SCML4: variants seen among roughly 807,000 people sequenced by gnomAD.
SCML4 encodes Scm polycomb group protein like 4.
SCML4 carries 34 observed loss-of-function variants against 41.1 expected under a neutral mutation model. The observed-to-expected ratio is 0.83, with a 90% CI of 0.63 to 1.10. SCML4 has a LOEUF of 1.10. Ranked by LOEUF, SCML4 falls within the 50% of genes least tolerant of loss-of-function variation. SCML4 has a pLI of 0.00. For missense variants in SCML4, 522 were observed against 534.1 expected (o/e 0.98, Z 0.22); for synonymous variants, 214 against 220.9 (o/e 0.97, Z 0.28).
Position 107,705,033 on chromosome 6 carries a change from A to C in SCML4, c.*167T>G. 1.4e-6 allele frequency: 1 copy of C among 730,882 alleles called. No individual in the cohort carries two copies. The allele number at this position is 730,882 out of a possible 1,614,324, so 45.3% of individuals were successfully genotyped here. On this transcript the variant is annotated 3_prime_UTR_variant, in exon 8 of 8. Coordinates refer to ENST00000369020, the MANE Select transcript of SCML4 (RefSeq NM_198081.5). ...GAGCCTCTCGAAAAGGTCCATGTTA[A>C]ATTCTTCAAAAGGCAAAGATTCACA...
chr6:107,782,132 G>A lies in SCML4; in HGVS notation c.-59-9746C>T, dbSNP rs368842947. Among the ~76,000 whole-genome samples the A allele has an allele frequency of 4.6e-4, 70 of 152,310 alleles. No individual in the cohort carries two copies. In the South Asian group the frequency reaches 0.01, roughly 23 times the overall value. ...GAACAGAGAATATGCACAGTGAAGC[G>A]GGAAAAACACCCATTCCAGCCTGCA... is the stretch of plus-strand genomic sequence containing the variant. On this transcript the variant is annotated intron_variant, in intron 1 of 7. Coordinates refer to ENST00000369020, the MANE Select transcript of SCML4 (RefSeq NM_198081.5).
chr6:107,770,926 C>A (rs1361537445), intron 2 of SCML4, among the ~76,000 whole-genome samples: 4 of 152,172 alleles, frequency 2.6e-5, no homozygotes, highest in African/African-American at 9.7e-5. Flanking sequence ...AGATGCAATT[C>A]CCAGAAGCCA....
intron 1 of SCML4, among the ~76,000 whole-genome samples, chr6:107,814,126 A>G (rs956600096): frequency 6.6e-6 from 1 of 152,218 alleles, no homozygotes; most frequent in African/African-American, 2.4e-5. Flanking sequence ...AGTCAAGGAG[A>G]GGGGAGTTAG....
At chr6:107,844,433 T>A in the SCML4 span, among the ~76,000 whole-genome samples, 5 of 152,234 alleles carry the variant, frequency 3.3e-5, no homozygotes, top group Non-Finnish European at 7.3e-5. Context: ...CACAGTGACT[T>A]ATGCCTGTAA....
chr6:107,795,510 T>C (rs1002603639), intron 1 of SCML4, among the ~76,000 whole-genome samples: 5 of 152,116 alleles, frequency 3.3e-5, no homozygotes, highest in African/African-American at 1.2e-4. Flanking sequence ...ATATAGAACA[T>C]TTTCATCACC....
chr6:107,829,564 C>T, the SCML4 span, among the ~76,000 whole-genome samples: 2 of 151,956 alleles, frequency 1.3e-5, no homozygotes, highest in African/African-American at 4.8e-5. Context: ...ACAGGGGGAA[C>T]ATCACACACC....
At chr6:107,725,818 A>G (rs1775901230) in intron 5 of SCML4, among the ~76,000 whole-genome samples, 1 of 152,226 alleles carries the variant, frequency 6.6e-6, no homozygotes, top group South Asian at 2.1e-4. Flanking sequence ...ACGGTGGCTC[A>G]TGCCTGTAAT....
Position 107,705,116 on chromosome 6 carries a change from T to G in SCML4, c.*84A>C, listed in dbSNP as rs1583349969. The G allele has an allele frequency of 2.5e-6, 3 of 1,224,288 alleles. No individual in the cohort carries two copies. Among genetic ancestry groups the G allele is most frequent in the Non-Finnish European group, 3.5e-6 (3 of 850,920 alleles). 75.8% of individuals were successfully genotyped at this position (1,224,288 alleles called of 1,614,324 possible). A position where few individuals can be genotyped will look rare whatever the true frequency, so the allele number is the denominator to read the frequency against. On this transcript the variant is annotated 3_prime_UTR_variant, in exon 8 of 8. Coordinates refer to ENST00000369020, the MANE Select transcript of SCML4 (RefSeq NM_198081.5). ...TTAATTTTAAGAGGAGAGTCTAGTT[T>G]GTGATGTTGGCGGGATATTGGTAAG...
At chr6:107,774,013 AT>A (rs1780724946) in intron 1 of SCML4, among the ~76,000 whole-genome samples, 1 of 152,204 alleles carries the variant, frequency 6.6e-6, no homozygotes, top group Non-Finnish European at 1.5e-5. Context: ...CACTTTGTTA[AT>A]TTTCTGAATA....
At chr6:107,736,969 C>G (rs1777133926) in intron 5 of SCML4, among the ~76,000 whole-genome samples, 5 of 152,228 alleles carry the variant, frequency 3.3e-5, no homozygotes, top group Admixed American at 6.5e-5. Context: ...GCTAAACCTT[C>G]AAAAGGCAGG....
intron 5 of SCML4, among the ~76,000 whole-genome samples, chr6:107,728,276 G>A (rs1776193682): frequency 6.6e-6 from 1 of 152,164 alleles, no homozygotes; most frequent in Admixed American, 6.5e-5. Context: ...GCAAAGTGTG[G>A]GAATGGGGAA....
chr6:107,839,672 G>A, the SCML4 span, among the ~76,000 whole-genome samples: 1 of 152,178 alleles, frequency 6.6e-6, no homozygotes, highest in African/African-American at 2.4e-5. Flanking sequence ...AAATGTGGAA[G>A]ACACAAAAAA....
At chr6:107,766,524 T>C (rs1780060684) in intron 2 of SCML4, among the ~76,000 whole-genome samples, 1 of 152,214 alleles carries the variant, frequency 6.6e-6, no homozygotes, top group South Asian at 2.1e-4. Flanking sequence ...TCATTCTCAG[T>C]CTTGACAAAC....
At chr6:107,775,926 A>G (rs1037152896) in intron 1 of SCML4, among the ~76,000 whole-genome samples, 1 of 152,198 alleles carries the variant, frequency 6.6e-6, no homozygotes, top group Admixed American at 6.5e-5. Context: ...CGAAAGTGCA[A>G]CAAATGATTT....
intron 5 of SCML4, among the ~76,000 whole-genome samples, chr6:107,727,540 C>T (rs553359208): frequency 6.6e-6 from 1 of 151,380 alleles, no homozygotes; most frequent in African/African-American, 2.5e-5. Flanking sequence ...CCAGGACACA[C>T]ATAACCTAAG....
chr6:107,765,328 C>T (rs989826437), intron 2 of SCML4, among the ~76,000 whole-genome samples: 6 of 152,130 alleles, frequency 3.9e-5, no homozygotes, highest in African/African-American at 1.4e-4. Flanking sequence ...AACTCTGATC[C>T]CCCAGGGGCT....
At chr6:107,839,189 A>G in the SCML4 span, among the ~76,000 whole-genome samples, 1 of 151,846 alleles carries the variant, frequency 6.6e-6, no homozygotes, top group East Asian at 1.9e-4. Context: ...CCTATTCGGG[A>G]GGTTGAAGAA....
intron 5 of SCML4, among the ~76,000 whole-genome samples, chr6:107,740,659 A>G (rs1278962315): frequency 6.6e-6 from 1 of 152,240 alleles, no homozygotes; most frequent in African/African-American, 2.4e-5. Context: ...GCTTCAGCTG[A>G]ATCTAGAGAT....
intron 6 of SCML4, among the ~76,000 whole-genome samples, chr6:107,709,855 C>T (rs571768041): frequency 1.1e-4 from 17 of 152,126 alleles, no homozygotes; most frequent in Admixed American, 6.6e-4. Context: ...AGATTACAGG[C>T]GCCCACCATC....
Sources: gnomAD v4.1 joint callset for allele counts (sites outside exome capture counted in the v4.1 genomes callset) on GRCh38, gnomAD v4.1.1 for gene constraint, MANE v1.5 for transcripts, NCBI Gene and HGNC (gene_info 2026-07-23, HGNC 2026-07-21) for gene names.